Variants in PRRX2 observed in about 807,000 individuals in gnomAD.
PRRX2 encodes the protein paired related homeobox 2.
A neutral mutation model predicts 18.0 loss-of-function variants in PRRX2; 11 were observed. The ratio of observed to expected loss-of-function variants is 0.61; its 90% CI spans 0.39 to 1.01. The LOEUF (loss-of-function observed/expected upper bound fraction) is 1.01, where lower values mean the gene tolerates loss of function less well. PRRX2 is among the 50% of genes least tolerant of loss of function. The pLI is 0.01. For synonymous variants in PRRX2, 177 were observed against 154.8 expected (o/e 1.14, Z -1.06); for missense variants, 387 against 351.0 (o/e 1.10, Z -0.82).
intron 1 of PRRX2, among the ~76,000 whole-genome samples, chr9:129,718,081 C>T (rs1832736715): frequency 6.6e-6 from 1 of 151,886 alleles, no homozygotes; most frequent in Non-Finnish European, 1.5e-5. Context: ...CCCCCTCCCC[C>T]AAGGTACAGG....
chr9:129,682,248 C>T (rs910762336), intron 1 of PRRX2, among the ~76,000 whole-genome samples: 3 of 152,102 alleles, frequency 2.0e-5, no homozygotes, highest in East Asian at 3.9e-4. Flanking sequence ...TACTCAGAGG[C>T]GTGGGTGGTG....
chr9:129,693,194 T>C (rs1564149559), intron 1 of PRRX2, among the ~76,000 whole-genome samples: 2 of 152,184 alleles, frequency 1.3e-5, no homozygotes, highest in South Asian at 2.1e-4. Flanking sequence ...TGTCTGTCTT[T>C]TTGGTGAGGT....
Position 129,708,803 on chromosome 9 carries a change from C to T in PRRX2, c.260-10428C>T, listed in dbSNP as rs372462924. ...CTTCAGATCCTTTTCTGGAGTGAGC[C>T]GCTCCTTCATTTACATAGTCATTCA... On this transcript the variant is annotated intron_variant, in intron 1 of 3. Coordinates refer to ENST00000372469, the MANE Select transcript of PRRX2 (RefSeq NM_016307.4). 1.7e-4 allele frequency among the ~76,000 whole-genome samples: 26 copies of T among 152,278 alleles called. No individual in the cohort carries two copies. The East Asian group carries it at 2.3e-3, about 14-fold the overall frequency.
intron 1 of PRRX2, 59 bp downstream of exon 1, chr9:129,666,185 G>GC: frequency 1.0e-6 from 1 of 992,490 alleles, no homozygotes; most frequent in Non-Finnish European, 1.2e-6. Flanking sequence ...CGGGGCCGGG[G>GC]CGCGGGGTCC....
At chr9:129,681,101 C>T (rs1179356436) in intron 1 of PRRX2, among the ~76,000 whole-genome samples, 1 of 152,258 alleles carries the variant, frequency 6.6e-6, no homozygotes, top group Non-Finnish European at 1.5e-5. Flanking sequence ...CGCACCCACA[C>T]TCTGAGCCAG....
chr9:129,693,769 G>C (rs755860495), intron 1 of PRRX2, among the ~76,000 whole-genome samples: 12 of 152,194 alleles, frequency 7.9e-5, no homozygotes, highest in Non-Finnish European at 1.5e-4. Flanking sequence ...AGAGGGACGA[G>C]GGTTTGCCTC....
Position 129,715,073 on chromosome 9 carries a change from A to T in PRRX2, c.260-4158A>T, listed in dbSNP as rs1351282779. On this transcript the variant is annotated intron_variant, in intron 1 of 3. Transcript: ENST00000372469. This position sits in a 1 kb window ranked among gnomAD's most constrained non-coding sequence, Gnocchi z 4.0. ...GCCTTTGCTTGAGGAGTGAAGAGTG[A>T]AGCGGTCCCGGCAATGAGACCAGCT... 6.6e-6 allele frequency among the ~76,000 whole-genome samples: 1 copy of T among 152,100 alleles called. No individual in the cohort carries two copies. The highest frequency in any genetic ancestry group is 2.4e-5 in the African/African-American group (1 of 41,418).
chr9:129,705,602 G>A (rs1267433394), intron 1 of PRRX2, among the ~76,000 whole-genome samples: 2 of 151,450 alleles, frequency 1.3e-5, no homozygotes, highest in African/African-American at 4.8e-5. Flanking sequence ...TGATCTGCCC[G>A]CCTCGGCCTC....
chr9:129,718,035 G>T (rs1832735706), intron 1 of PRRX2, among the ~76,000 whole-genome samples: 1 of 152,078 alleles, frequency 6.6e-6, no homozygotes, highest in African/African-American at 2.4e-5. Flanking sequence ...CTTGGATAAG[G>T]TTTAAATGTG....
At chr9:129,688,771 C>T (rs969392854) in intron 1 of PRRX2, among the ~76,000 whole-genome samples, 3 of 152,112 alleles carry the variant, frequency 2.0e-5, no homozygotes, top group African/African-American at 4.8e-5. Flanking sequence ...GGGTTCTGGG[C>T]ATCAGGAGAG....
chr9:129,688,564 A>G (rs980069521), intron 1 of PRRX2, among the ~76,000 whole-genome samples: 1 of 152,136 alleles, frequency 6.6e-6, no homozygotes, highest in African/African-American at 2.4e-5. Context: ...AGCATCATCC[A>G]CGTCAGGACA....
intron 1 of PRRX2, among the ~76,000 whole-genome samples, chr9:129,680,206 T>A (rs1287892599): frequency 6.6e-6 from 1 of 151,812 alleles, no homozygotes; most frequent in Non-Finnish European, 1.5e-5. Flanking sequence ...GTTCGAGACC[T>A]GCCTGGCCAA....
At chr9:129,666,365 G>A (rs1330871238) in intron 1 of PRRX2, among the ~76,000 whole-genome samples, 1 of 152,122 alleles carries the variant, frequency 6.6e-6, no homozygotes, top group Non-Finnish European at 1.5e-5. Flanking sequence ...CGCTGCCTTC[G>A]CTCCCCAGTA....
At position 129,719,387 on chromosome 9, in the gene PRRX2, G is replaced by A. The variant is rs1259322267; in HGVS notation, c.416G>A (p.Arg139Gln). 3 of 1,551,710 alleles carry A rather than the reference G, an allele frequency of 1.9e-6. No homozygotes were observed. The South Asian group carries it at 3.5e-5, about 18-fold the overall frequency. Residue 139 changes from arginine to glutamine, a missense_variant, in exon 2 of 4, where the codon CGG (arginine) becomes CAG (glutamine). Arg to Gln is a conservative substitution (Grantham distance 43, BLOSUM62 1). Coordinates refer to ENST00000372469, the MANE Select transcript of PRRX2 (RefSeq NM_016307.4). ...PDAFVREELA[R>Q]RVNLSEARVQ... The stretch of plus-strand genomic sequence containing the variant: ...GCCTTTGTGCGCGAGGAGCTTGCCC[G>A]GCGCGTCAACCTCAGCGAGGCGCGC...
At chr9:129,681,297 ATCAC>A in intron 1 of PRRX2, among the ~76,000 whole-genome samples, 1 of 152,338 alleles carries the variant, frequency 6.6e-6, no homozygotes, top group East Asian at 1.9e-4. Context: ...AGGCGGGCGG[ATCAC>A]CTGAGGTCAG....
chr9:129,719,516 G>A, intron 2 of PRRX2, 98 bp downstream of exon 2: 2 of 1,345,756 alleles, frequency 1.5e-6, no homozygotes, highest in Non-Finnish European at 1.9e-6. Flanking sequence ...AGGGGTGTTT[G>A]AGCAGGAGCA....
At chr9:129,687,471 G>T (rs754833597) in intron 1 of PRRX2, among the ~76,000 whole-genome samples, 137 of 152,250 alleles carry the variant, frequency 9.0e-4, no homozygotes, top group Admixed American at 4.0e-3. Flanking sequence ...ACAGAGAGGA[G>T]GAGCCGCGTG....
chr9:129,716,199 A>G (rs1025285302), intron 1 of PRRX2, among the ~76,000 whole-genome samples: 2 of 152,166 alleles, frequency 1.3e-5, no homozygotes, highest in Non-Finnish European at 2.9e-5. Flanking sequence ...TGTCCTAAAT[A>G]TACACTGGCA....
chr9:129,702,685 T>C (rs1832512496), intron 1 of PRRX2, among the ~76,000 whole-genome samples: 1 of 152,234 alleles, frequency 6.6e-6, no homozygotes, highest in African/African-American at 2.4e-5. Context: ...GCTCTGAAGC[T>C]TGTGGTTCCT....
Sources: allele counts gnomAD v4.1 joint callset (sites outside exome capture counted in the v4.1 genomes callset), GRCh38; gene constraint gnomAD v4.1.1; non-coding constraint Gnocchi (gnomAD v3.1); transcripts MANE v1.5; gene names NCBI Gene and HGNC (gene_info 2026-07-23, HGNC 2026-07-21).